IRX2: variants seen among roughly 807,000 people sequenced by gnomAD.
IRX2 encodes the protein iroquois homeobox 2, also known as iroquois-class homeodomain protein IRX-2.
Under a neutral mutation model 42.9 loss-of-function variants are expected in IRX2, and 26 were observed. That is an observed-to-expected ratio of 0.61 (90% CI 0.44 to 0.84). The LOEUF is 0.84. IRX2 is among the 40% of genes least tolerant of loss of function. The probability of loss-of-function intolerance (pLI) is 0.00; values close to 1 mark genes in which losing one functional copy is unlikely to be tolerated. For missense variants in IRX2, 782 were observed against 713.9 expected, an observed-to-expected ratio of 1.10 and a Z score of -1.09; for synonymous variants, 424 against 353.9, an observed-to-expected ratio of 1.20 and a Z score of -2.22.
chr5:2,750,209 C>G (rs931146574), intron 1 of IRX2, among the ~76,000 whole-genome samples: 8 of 152,198 alleles, frequency 5.3e-5, no homozygotes, highest in African/African-American at 1.9e-4. Flanking sequence ...CACCCCAGAG[C>G]CCCCAATTCA....
chr5:2,740,192 G>GTA, the IRX2 span, among the ~76,000 whole-genome samples: 1 of 133,770 alleles, frequency 7.5e-6, no homozygotes, highest in Non-Finnish European at 1.7e-5. Flanking sequence ...CGGGGGCGGG[G>GTA]GTCCTGCCCA....
intron 1 of IRX2, 46 bp from the exon 2 acceptor site, chr5:2,749,833 G>C: frequency 6.5e-7 from 1 of 1,532,086 alleles, no homozygotes; most frequent in Non-Finnish European, 8.8e-7. Context: ...GAGACCCCGC[G>C]GGCAACCAGC....
intron 1 of IRX2, among the ~76,000 whole-genome samples, 189 bp downstream of exon 1, chr5:2,750,976 G>A (rs1461286654): frequency 6.6e-6 from 1 of 151,732 alleles, no homozygotes; most frequent in Non-Finnish European, 1.5e-5. Context: ...GTCCCCGCCT[G>A]CCGCGCTGCC....
At chr5:2,739,002 C>T in the IRX2 span, among the ~76,000 whole-genome samples, 1 of 152,168 alleles carries the variant, frequency 6.6e-6, no homozygotes, top group Non-Finnish European at 1.5e-5. Flanking sequence ...TGCTCTCCGT[C>T]GCCTCCATCC....
intron 1 of IRX2, among the ~76,000 whole-genome samples, chr5:2,750,114 C>G (rs369265087): frequency 6.6e-6 from 1 of 152,132 alleles, no homozygotes; most frequent in South Asian, 2.1e-4. Context: ...ACAGGTAGCT[C>G]TTTGATATCT....
At chr5:2,742,153 A>G (rs988381632), downstream of IRX2, among the ~76,000 whole-genome samples, 1 of 152,142 alleles carries the variant, frequency 6.6e-6, no homozygotes, top group Non-Finnish European at 1.5e-5. Context: ...CTGAAGGGAG[A>G]GGCTGATGCA....
downstream of IRX2, among the ~76,000 whole-genome samples, chr5:2,741,985 A>G (rs1231352235): frequency 6.6e-6 from 1 of 152,246 alleles, no homozygotes; most frequent in East Asian, 1.9e-4. Flanking sequence ...TATTAGCAAT[A>G]CAGTCCTCTT....
rs763455495 is a variant in IRX2, at chr5:2,748,549, G to A, written c.1159C>T (p.Pro387Ser). ...LLGRPLYYTS[P>S]FYGNYTNYGN... ...TAGTTTGTGTAGTTGCCGTAGAAGG[G>A]CGACGTGTAGTAGAGGGGGCGGCCC... Residue 387 changes from proline to serine, a missense_variant, in exon 3 of 4, where the codon CCC (proline) becomes TCC (serine). Pro to Ser is a moderately conservative substitution (Grantham distance 74). Around this residue, in one of 3 missense-constraint regions of IRX2, gnomAD observed 520 missense variants for 437.8 expected, o/e 1.19. Coordinates refer to ENST00000302057, the MANE Select transcript of IRX2 (RefSeq NM_033267.5). 7.0e-6 allele frequency: 11 copies of A among 1,576,420 alleles called. No homozygotes were observed. The highest frequency in any genetic ancestry group is 5.7e-5 in the African/African-American group (4 of 70,770).
Position 2,747,461 on chromosome 5 carries a change from C to T in IRX2, c.*103G>A, listed in dbSNP as rs1375494864. 1.9e-5 allele frequency: 18 copies of T among 943,008 alleles called. No individual in the cohort carries two copies. The highest frequency in any genetic ancestry group is 2.7e-5 in the Non-Finnish European group (16 of 593,202). 58.4% of individuals were successfully genotyped at this position (943,008 alleles called of 1,614,324 possible). A position where few individuals can be genotyped will look rare whatever the true frequency, so the allele number is the denominator to read the frequency against. ...ATGCTCTGTCTTCTAACCCCATGACCAGAAGCAAGAAAAACACATTAAGCA... is the reference window on the plus strand; with the variant it reads ...ATGCTCTGTCTTCTAACCCCATGACTAGAAGCAAGAAAAACACATTAAGCA... On this transcript the variant is annotated 3_prime_UTR_variant, in exon 4 of 4. Coordinates refer to ENST00000302057, the MANE Select transcript of IRX2 (RefSeq NM_033267.5).
the IRX2 span, among the ~76,000 whole-genome samples, chr5:2,738,133 C>T: frequency 4.6e-5 from 7 of 152,238 alleles, no homozygotes; most frequent in African/African-American, 1.7e-4. Context: ...CTAGCTCCTG[C>T]AAAGTCTGTT....
chr5:2,740,188 C>CG, the IRX2 span, among the ~76,000 whole-genome samples: 2 of 148,642 alleles, frequency 1.3e-5, no homozygotes, highest in African/African-American at 5.0e-5. Context: ...CGTGCGGGGG[C>CG]GGGGGTCCTG....
chr5:2,741,352 A>AT (rs1165869828), downstream of IRX2, among the ~76,000 whole-genome samples: 1 of 151,580 alleles, frequency 6.6e-6, no homozygotes, highest in Admixed American at 6.6e-5. Flanking sequence ...TTTGTTTGTC[A>AT]TTTTCCCCTT....
At chr5:2,750,225 C>T (rs778391787) in intron 1 of IRX2, among the ~76,000 whole-genome samples, 1 of 152,236 alleles carries the variant, frequency 6.6e-6, no homozygotes, top group Admixed American at 6.5e-5. Flanking sequence ...ATTCACTATT[C>T]ACTGCTCTAA....
downstream of IRX2, among the ~76,000 whole-genome samples, chr5:2,742,321 T>G (rs1169672530): frequency 6.6e-6 from 1 of 152,216 alleles, no homozygotes; most frequent in East Asian, 1.9e-4. Flanking sequence ...TTATGGCCAA[T>G]AGATAGTAAT....
In IRX2 at chr5:2,747,463, G is replaced by C. The variant is rs1224281406; in HGVS notation, c.*101C>G. 4.1e-6 allele frequency: 4 copies of C among 975,300 alleles called. No individual in the cohort carries two copies. The highest frequency in any genetic ancestry group is 1.4e-5 in the South Asian group (1 of 69,262). The allele number at this position is 975,300 out of a possible 1,614,324, so 60.4% of individuals were successfully genotyped here. ...GCTCTGTCTTCTAACCCCATGACCAGAAGCAAGAAAAACACATTAAGCAAG... is the reference window on the plus strand; with the variant it reads ...GCTCTGTCTTCTAACCCCATGACCACAAGCAAGAAAAACACATTAAGCAAG... On this transcript the variant is annotated 3_prime_UTR_variant, in exon 4 of 4. Transcript: ENST00000302057.
the IRX2 span, among the ~76,000 whole-genome samples, chr5:2,738,951 C>G: frequency 4.6e-5 from 7 of 152,296 alleles, no homozygotes; most frequent in South Asian, 1.0e-3. Context: ...CCCAGGCTGC[C>G]GGGTAGGCCT....
Position 2,749,072 on chromosome 5 carries a change from G to A in IRX2, c.656-20C>T, listed in dbSNP as rs745620537. 2.5e-6 allele frequency: 4 copies of A among 1,592,872 alleles called. No individual in the cohort carries two copies. Among genetic ancestry groups the A allele is most frequent in the Non-Finnish European group, 2.5e-6 (3 of 1,177,608 alleles). ...TGATCCCTGTGGGGGCGCGGGCACG[G>A]TGGGTGGCACGAGGGGACAGCGCAG... On this transcript the variant is annotated intron_variant, in intron 2 of 3. Coordinates refer to ENST00000302057, the MANE Select transcript of IRX2 (RefSeq NM_033267.5).
intron 1 of IRX2, among the ~76,000 whole-genome samples, chr5:2,750,144 G>C (rs1737883332): frequency 6.6e-6 from 1 of 152,100 alleles, no homozygotes; most frequent in Non-Finnish European, 1.5e-5. Context: ...CAGATGCTTG[G>C]AGTGCGGCTG....
chr5:2,749,867 G>T, intron 1 of IRX2, 80 bp from the exon 2 acceptor site: 2 of 1,411,396 alleles, frequency 1.4e-6, no homozygotes, highest in Non-Finnish European at 9.5e-7. Context: ...CCCTCCGCCC[G>T]CCCACGGCCA....
Sources: allele counts gnomAD v4.1 joint callset (sites outside exome capture counted in the v4.1 genomes callset), GRCh38; gene constraint gnomAD v4.1.1; regional missense constraint gnomAD v4.1.1; transcripts MANE v1.5; gene names NCBI Gene and HGNC (gene_info 2026-07-23, HGNC 2026-07-21).